Variants in TDRD3 observed in about 807,000 individuals in gnomAD.
TDRD3 encodes tudor domain containing 3, also known as tudor domain-containing protein 3.
A neutral mutation model predicts 86.7 loss-of-function variants in TDRD3; 45 were observed. The observed-to-expected ratio is 0.52, with a 90% CI of 0.41 to 0.67. The LOEUF (loss-of-function observed/expected upper bound fraction) is 0.67, where lower values mean the gene tolerates loss of function less well. Among genes scored for constraint, TDRD3 ranks in the 30% least tolerant of loss-of-function variants. The probability of loss-of-function intolerance (pLI) is 0.00; values close to 1 mark genes in which losing one functional copy is unlikely to be tolerated. For synonymous variants in TDRD3, 298 were observed against 301.7 expected, an observed-to-expected ratio of 0.99 and a Z score of 0.13; for missense variants, 814 against 889.0, an observed-to-expected ratio of 0.92 and a Z score of 1.07.
chr13:60,494,513 G>A lies in TDRD3; in HGVS notation c.796G>A (p.Val266Ile). ...MNAAGNRNRE[V>I]LQKEKSTKSE... ...TGCTGCTGGTAACCGAAATAGGGAA[G>A]TTTTACAGAAAGAAAAGTCAACCAA... The change falls in exon 8 of 14, where the codon GTT becomes ATT. Residue 266 changes from valine to isoleucine, a missense_variant. Physicochemically the swap from Val to Ile is conservative, Grantham distance 29. Coordinates refer to ENST00000377881, the MANE Select transcript of TDRD3 (RefSeq NM_001146070.2). The A allele has an allele frequency of 1.2e-6, 2 of 1,613,746 alleles. No individual in the cohort carries two copies. The highest frequency in any genetic ancestry group is 1.7e-6 in the Non-Finnish European group (2 of 1,179,838).
At chr13:60,444,823 T>TATGG in intron 3 of TDRD3, 75 bp downstream of exon 3, 1 of 923,882 alleles carries the variant, frequency 1.1e-6, no homozygotes, top group Non-Finnish European at 1.6e-6. Context: ...TGGAATTACT[T>TATGG]TTTGTCAATA....
At chr13:60,544,439 T>G (rs539206489) in intron 12 of TDRD3, among the ~76,000 whole-genome samples, 1 of 88,430 alleles carries the variant, frequency 1.1e-5, no homozygotes, top group African/African-American at 5.1e-5. Context: ...AGACCATATC[T>G]CTTTAAAAAA....
chr13:60,568,493 C>T (rs949250295), intron 13 of TDRD3, among the ~76,000 whole-genome samples: 1 of 152,288 alleles, frequency 6.6e-6, no homozygotes, highest in Admixed American at 6.5e-5. Context: ...ACTTTGGCAA[C>T]TTTGTGTTGT....
chr13:60,450,450 T>G (rs1041305190), intron 3 of TDRD3, among the ~76,000 whole-genome samples: 1 of 152,184 alleles, frequency 6.6e-6, no homozygotes, highest in Admixed American at 6.6e-5. Context: ...TCTTACTGAC[T>G]GAGTGACCAC....
At chr13:60,554,668 C>T (rs559228678) in intron 12 of TDRD3, among the ~76,000 whole-genome samples, 6 of 152,284 alleles carry the variant, frequency 3.9e-5, no homozygotes, top group Admixed American at 1.3e-4. Context: ...ACAGAGACTT[C>T]GTGCTTTCCT....
chr13:60,463,542 A>G (rs925244976), intron 4 of TDRD3, among the ~76,000 whole-genome samples: 1 of 152,100 alleles, frequency 6.6e-6, no homozygotes, highest in African/African-American at 2.4e-5. Flanking sequence ...GCTTCTGCAC[A>G]GCAGGGGAAA....
At chr13:60,565,302 G>A (rs1389490543) in intron 12 of TDRD3, among the ~76,000 whole-genome samples, 6 of 151,960 alleles carry the variant, frequency 3.9e-5, no homozygotes, top group East Asian at 3.9e-4. Flanking sequence ...TGATCCGCCC[G>A]CCTCGGCCTC....
upstream of TDRD3, chr13:60,397,076 G>A (rs1265274129): frequency 1.2e-5 from 4 of 326,772 alleles, no homozygotes; most frequent in Non-Finnish European, 2.2e-5. Flanking sequence ...CAAAGTCCCT[G>A]AACCGTCCTG....
chr13:60,398,697 G>A (rs1375043701), intron 1 of TDRD3, among the ~76,000 whole-genome samples: 1 of 152,246 alleles, frequency 6.6e-6, no homozygotes, highest in Non-Finnish European at 1.5e-5. Flanking sequence ...GAAAGTGGTG[G>A]AGTTGAATGT....
intron 12 of TDRD3, among the ~76,000 whole-genome samples, chr13:60,546,051 A>G (rs1327207910): frequency 6.6e-6 from 1 of 152,142 alleles, no homozygotes; most frequent in Non-Finnish European, 1.5e-5. Context: ...TGAAGTCTAA[A>G]TAAATAGAGC....
At chr13:60,399,478 A>C (rs1954036264) in intron 1 of TDRD3, among the ~76,000 whole-genome samples, 1 of 152,222 alleles carries the variant, frequency 6.6e-6, no homozygotes, top group Non-Finnish European at 1.5e-5. Flanking sequence ...CAGACTAGGC[A>C]TGAGGATCTC....
At chr13:60,486,083 T>C in intron 7 of TDRD3, 135 bp downstream of exon 7, 1 of 835,662 alleles carries the variant, frequency 1.2e-6, no homozygotes. Flanking sequence ...GCATATTCCA[T>C]AACTGGGAAT....
At chr13:60,544,901 T>C (rs1027183078) in intron 12 of TDRD3, among the ~76,000 whole-genome samples, 1 of 152,182 alleles carries the variant, frequency 6.6e-6, no homozygotes, top group African/African-American at 2.4e-5. Context: ...TTTAAGTTAG[T>C]ATATGAACTG....
intron 12 of TDRD3, among the ~76,000 whole-genome samples, chr13:60,539,907 C>A (rs955014056): frequency 1.3e-5 from 2 of 151,852 alleles, no homozygotes; most frequent in African/African-American, 4.8e-5. Flanking sequence ...AATTAGGCTC[C>A]ATCTAGTTTT....
At chr13:60,548,087 T>C (rs1191533056) in intron 12 of TDRD3, among the ~76,000 whole-genome samples, 3 of 152,200 alleles carry the variant, frequency 2.0e-5, no homozygotes, top group Non-Finnish European at 1.5e-5. Flanking sequence ...TGGAAATAGT[T>C]CAGAGTTAAA....
At chr13:60,452,171 T>C (rs1259294048) in intron 3 of TDRD3, among the ~76,000 whole-genome samples, 1 of 152,174 alleles carries the variant, frequency 6.6e-6, no homozygotes, top group East Asian at 1.9e-4. Context: ...CAACCCTGGG[T>C]ATATCTCTTC....
chr13:60,554,914 T>C (rs1366648912), intron 12 of TDRD3, among the ~76,000 whole-genome samples: 1 of 152,192 alleles, frequency 6.6e-6, no homozygotes, highest in Non-Finnish European at 1.5e-5. Context: ...ATACGGTTTA[T>C]GAATTTCAAT....
intron 5 of TDRD3, among the ~76,000 whole-genome samples, chr13:60,476,325 A>G (rs1185111762): frequency 6.6e-6 from 1 of 152,082 alleles, no homozygotes; most frequent in Non-Finnish European, 1.5e-5. Flanking sequence ...TGTTATTGTC[A>G]GCTGTGTCAA....
chr13:60,515,996 A>G (rs1469075229), intron 10 of TDRD3, among the ~76,000 whole-genome samples: 1 of 152,214 alleles, frequency 6.6e-6, no homozygotes, highest in African/African-American at 2.4e-5. Context: ...TAATGAAGAG[A>G]GTTAAGATCT....
Sources: gnomAD v4.1 joint callset for allele counts (sites outside exome capture counted in the v4.1 genomes callset) on GRCh38, gnomAD v4.1.1 for gene constraint, MANE v1.5 for transcripts, NCBI Gene and HGNC (gene_info 2026-07-23, HGNC 2026-07-21) for gene names.